The following PPFIA2 variants were observed in gnomAD, a reference collection of about 807,000 sequenced individuals.
PPFIA2 encodes PPFI scaffold protein A2.
In PPFIA2, 46 loss-of-function variants were observed where a neutral mutation model predicts 175.5. The observed-to-expected ratio is 0.26, with a 90% CI of 0.21 to 0.34. The LOEUF (loss-of-function observed/expected upper bound fraction) is 0.34, where lower values mean the gene tolerates loss of function less well. PPFIA2 is among the 10% of genes least tolerant of loss of function. PPFIA2 has a pLI of 1.00. For synonymous variants in PPFIA2, 568 were observed against 511.4 expected (o/e 1.11, Z -1.49); for missense variants, 1,179 against 1,506.1 (o/e 0.78, Z 3.60).
chr12:81,526,055 C>CT (rs1270056938), intron 4 of PPFIA2, among the ~76,000 whole-genome samples: 1 of 152,030 alleles, frequency 6.6e-6, no homozygotes, highest in Non-Finnish European at 1.5e-5. Flanking sequence ...TTGATGAATC[C>CT]TTTTTTCCTT....
intron 3 of PPFIA2, among the ~76,000 whole-genome samples, chr12:81,708,274 A>T (rs942194635): frequency 2.6e-5 from 4 of 152,126 alleles, no homozygotes; most frequent in African/African-American, 9.6e-5. Context: ...TAATTGGAAG[A>T]AAAATTTTAA....
intron 4 of PPFIA2, among the ~76,000 whole-genome samples, chr12:81,642,704 ATGTATG>A (rs1567687437): frequency 1.1e-4 from 1 of 9,462 alleles, no homozygotes; most frequent in Non-Finnish European, 2.6e-4. Context: ...ATACATGTAT[ATGTATG>A]TATGTATTAT....
intron 4 of PPFIA2, among the ~76,000 whole-genome samples, chr12:81,593,766 A>C (rs1286956079): frequency 6.6e-6 from 1 of 152,224 alleles, no homozygotes; most frequent in African/African-American, 2.4e-5. Context: ...AATCACACAG[A>C]AGAGCATGCA....
At chr12:81,296,295 G>A (rs1303342687) in intron 23 of PPFIA2, among the ~76,000 whole-genome samples, 1 of 152,182 alleles carries the variant, frequency 6.6e-6, no homozygotes, top group African/African-American at 2.4e-5. Flanking sequence ...ATCCAGCCTA[G>A]GCAACAAAGT....
At chr12:81,492,048 T>C (rs2059474654) in intron 4 of PPFIA2, among the ~76,000 whole-genome samples, 1 of 152,080 alleles carries the variant, frequency 6.6e-6, no homozygotes, top group Non-Finnish European at 1.5e-5. Context: ...TTTCAATTTT[T>C]ATTCATAATT....
intron 7 of PPFIA2, among the ~76,000 whole-genome samples, chr12:81,422,882 C>T (rs774246473): frequency 6.6e-6 from 1 of 152,036 alleles, no homozygotes; most frequent in Admixed American, 6.6e-5. Context: ...CAAGCCATAG[C>T]TTTCTGCCCC....
intron 4 of PPFIA2, among the ~76,000 whole-genome samples, chr12:81,597,085 G>A (rs1338952240): frequency 1.3e-5 from 2 of 152,042 alleles, no homozygotes; most frequent in East Asian, 3.8e-4. Flanking sequence ...TATACAGCCA[G>A]AATAATTAAA....
chr12:81,649,739 T>A (rs2066722809), intron 4 of PPFIA2, among the ~76,000 whole-genome samples: 1 of 152,226 alleles, frequency 6.6e-6, no homozygotes, highest in Non-Finnish European at 1.5e-5. Flanking sequence ...ACACTACTGA[T>A]ACCGCAAAAC....
intron 17 of PPFIA2, among the ~76,000 whole-genome samples, chr12:81,351,911 A>C (rs199624034): frequency 3.0e-4 from 46 of 152,202 alleles, no homozygotes; most frequent in East Asian, 2.1e-3. Context: ...ATTTAAATAA[A>C]AAAAAATCTG....
At chr12:81,713,761 C>T (rs1158313210) in intron 3 of PPFIA2, among the ~76,000 whole-genome samples, 4 of 151,298 alleles carry the variant, frequency 2.6e-5, no homozygotes, top group South Asian at 4.2e-4. Context: ...CTTGGGTTAA[C>T]CTGATTCACT....
In PPFIA2 at chr12:81,705,232, G is replaced by A. The variant is rs908251223; in HGVS notation, c.250-28388C>T. On this transcript the variant is annotated intron_variant, in intron 3 of 32. Transcript: ENST00000549396. ...TGGGAGGCCGAGGCGGGCAGATCAC[G>A]AGGTCAGGAGATCGAGACTATCCTA... Among the ~76,000 whole-genome samples the A allele has an allele frequency of 5.0e-4, 75 of 150,998 alleles. 1 individual carries two copies. Among genetic ancestry groups the A allele is most frequent in the African/African-American group, 1.7e-3 (69 of 41,252 alleles).
chr12:81,404,837 AG>A (rs1258068699), intron 8 of PPFIA2, among the ~76,000 whole-genome samples: 1 of 152,214 alleles, frequency 6.6e-6, no homozygotes, highest in African/African-American at 2.4e-5. Flanking sequence ...TAAGAATTCT[AG>A]TGCTATTTAT....
intron 4 of PPFIA2, among the ~76,000 whole-genome samples, chr12:81,632,787 C>T (rs1161873236): frequency 3.3e-5 from 5 of 151,980 alleles, no homozygotes; most frequent in African/African-American, 7.2e-5. Flanking sequence ...TAAGGGGTCC[C>T]GTTTTAACTG....
chr12:81,487,515 C>T (rs2058965681), intron 4 of PPFIA2, among the ~76,000 whole-genome samples: 1 of 151,576 alleles, frequency 6.6e-6, no homozygotes, highest in Non-Finnish European at 1.5e-5. Context: ...CTGGAACAAA[C>T]TCAAAGCTTG....
intron 4 of PPFIA2, among the ~76,000 whole-genome samples, chr12:81,581,459 C>G (rs140661663): frequency 6.6e-6 from 1 of 151,706 alleles, no homozygotes; most frequent in African/African-American, 2.4e-5. Context: ...CAGGACTTTA[C>G]GCGCAGGTCC....
intron 21 of PPFIA2, among the ~76,000 whole-genome samples, chr12:81,326,576 C>T (rs1470826906): frequency 6.6e-6 from 1 of 152,004 alleles, no homozygotes; most frequent in Non-Finnish European, 1.5e-5. Context: ...CATAAGTTCT[C>T]ATTTAGTGTC....
chr12:81,652,827 C>A (rs1174055146), intron 4 of PPFIA2, among the ~76,000 whole-genome samples: 1 of 152,038 alleles, frequency 6.6e-6, no homozygotes, highest in Non-Finnish European at 1.5e-5. Context: ...GAAGAATTCA[C>A]CTACGCCAAA....
chr12:81,724,197 T>C (rs963102950), intron 3 of PPFIA2, among the ~76,000 whole-genome samples: 1 of 150,990 alleles, frequency 6.6e-6, no homozygotes, highest in Admixed American at 6.6e-5. Flanking sequence ...TAGTGATTGT[T>C]AATCGTTCTA....
chr12:81,291,238 T>TA (rs1235388865), intron 24 of PPFIA2, among the ~76,000 whole-genome samples: 1 of 151,980 alleles, frequency 6.6e-6, no homozygotes, highest in Non-Finnish European at 1.5e-5. Flanking sequence ...CAGGATCATG[T>TA]ATTAGTTCAA....
Sources: allele counts gnomAD v4.1 joint callset (sites outside exome capture counted in the v4.1 genomes callset), GRCh38; gene constraint gnomAD v4.1.1; transcripts MANE v1.5; gene names NCBI Gene and HGNC (gene_info 2026-07-23, HGNC 2026-07-21).